Variants in CSMD3 observed in about 807,000 individuals in gnomAD.
CSMD3 encodes CUB and sushi domain-containing protein 3.
Under a neutral mutation model 435.2 loss-of-function variants are expected in CSMD3, and 177 were observed. The observed-to-expected ratio is 0.41, with a 90% confidence interval of 0.36 to 0.46. The LOEUF (loss-of-function observed/expected upper bound fraction) is 0.46, where lower values mean the gene tolerates loss of function less well. Among genes scored for constraint, CSMD3 ranks in the 20% least tolerant of loss-of-function variants. The pLI is 0.34. For missense variants in CSMD3, 4,265 were observed against 4,504.6 expected (o/e 0.95, Z 1.52); for synonymous variants, 1,656 against 1,520.5 (o/e 1.09, Z -2.07).
At chr8:112,890,380 G>A (rs1186506546) in intron 10 of CSMD3, among the ~76,000 whole-genome samples, 1 of 151,818 alleles carries the variant, frequency 6.6e-6, no homozygotes, top group East Asian at 2.0e-4. Flanking sequence ...AGAAACATGA[G>A]GTAACATTAC....
At chr8:113,263,106 C>A (rs909601312) in intron 3 of CSMD3, among the ~76,000 whole-genome samples, 1 of 151,954 alleles carries the variant, frequency 6.6e-6, no homozygotes, top group Admixed American at 6.6e-5. Context: ...TGAGTGAAGA[C>A]TTGTGCTTGT....
At chr8:112,631,151 G>C (rs1284909381) in intron 22 of CSMD3, among the ~76,000 whole-genome samples, 1 of 151,972 alleles carries the variant, frequency 6.6e-6, no homozygotes, top group Non-Finnish European at 1.5e-5. Flanking sequence ...ATACAAAAGG[G>C]ATATTTAAGT....
chr8:112,837,841 C>G (rs79767988), intron 11 of CSMD3, among the ~76,000 whole-genome samples: 1 of 151,462 alleles, frequency 6.6e-6, no homozygotes, highest in South Asian at 2.1e-4. Context: ...TTTTGCTCCC[C>G]GGTGTGGAAA....
chr8:113,300,367 A>G (rs1424601865), intron 2 of CSMD3, among the ~76,000 whole-genome samples: 2 of 152,148 alleles, frequency 1.3e-5, no homozygotes, highest in Non-Finnish European at 2.9e-5. Flanking sequence ...AAATCATTCT[A>G]TAAAAATGAT....
chr8:112,405,244 T>TATATATATATATATAC (rs1554668933), intron 35 of CSMD3, among the ~76,000 whole-genome samples: 1 of 83,330 alleles, frequency 1.2e-5, no homozygotes, highest in African/African-American at 5.3e-5. Context: ...TATATATATA[T>TATATATATATATATAC]ATACATATAT....
intron 27 of CSMD3, chr8:112,538,975 A>AAT (rs1826399088): frequency 1.3e-5 from 2 of 152,890 alleles, no homozygotes; most frequent in African/African-American, 4.8e-5. Flanking sequence ...AGTATAGGCC[A>AAT]ATATCTCAGA....
At chr8:113,063,445 C>G (rs1303042264) in intron 5 of CSMD3, among the ~76,000 whole-genome samples, 1 of 151,908 alleles carries the variant, frequency 6.6e-6, no homozygotes, top group Non-Finnish European at 1.5e-5. Context: ...TCTTTAATAT[C>G]TACTTTAATT....
chr8:112,922,672 G>C (rs1197062981), intron 9 of CSMD3, among the ~76,000 whole-genome samples: 5 of 151,944 alleles, frequency 3.3e-5, no homozygotes, highest in African/African-American at 1.2e-4. Context: ...ACAATCTCCA[G>C]TTCCACCCAC....
At chr8:112,680,654 G>A (rs1159159293) in intron 16 of CSMD3, among the ~76,000 whole-genome samples, 1 of 151,972 alleles carries the variant, frequency 6.6e-6, no homozygotes, top group African/African-American at 2.4e-5. Context: ...ATCTAGTTCT[G>A]CCCACCTGAT....
At chr8:112,869,754 C>A (rs867159946) in intron 10 of CSMD3, among the ~76,000 whole-genome samples, 25 of 152,126 alleles carry the variant, frequency 1.6e-4, no homozygotes, top group Admixed American at 1.5e-3. Context: ...AAGCTGGAAG[C>A]CATAATTCTC....
intron 13 of CSMD3, among the ~76,000 whole-genome samples, chr8:112,785,060 C>T (rs1770557205): frequency 6.6e-6 from 1 of 151,946 alleles, no homozygotes; most frequent in South Asian, 2.1e-4. Context: ...AGAGATCATT[C>T]ATTATGACCA....
At chr8:112,234,506 C>A in intron 67 of CSMD3, 29 bp from the exon 68 acceptor site, 1 of 1,212,616 alleles carries the variant, frequency 8.2e-7, no homozygotes. Context: ...TTTTAGTCTA[C>A]TTAACTTTGT....
At chr8:113,172,680 T>C (rs144734889) in intron 4 of CSMD3, among the ~76,000 whole-genome samples, 14 of 152,292 alleles carry the variant, frequency 9.2e-5, no homozygotes, top group Middle Eastern at 6.8e-3. Context: ...GATAAGAAGC[T>C]TGTTGTGTCT....
At chr8:112,438,452 T>C (rs556033707) in intron 32 of CSMD3, among the ~76,000 whole-genome samples, 5 of 152,310 alleles carry the variant, frequency 3.3e-5, no homozygotes, top group African/African-American at 1.2e-4. Flanking sequence ...TCTCATAATG[T>C]CCTAAATTTT....
At chr8:112,471,484 A>C (rs936094069) in intron 32 of CSMD3, among the ~76,000 whole-genome samples, 1 of 152,228 alleles carries the variant, frequency 6.6e-6, no homozygotes, top group African/African-American at 2.4e-5. Context: ...TGTAGAGTAC[A>C]AAAACAGACA....
intron 5 of CSMD3, chr8:113,098,535 A>C (rs1029221332): frequency 3.8e-5 from 21 of 549,554 alleles, no homozygotes; most frequent in Admixed American, 3.1e-5. Flanking sequence ...TTACAATAGG[A>C]ATAACTTTTA....
At chr8:112,715,335 A>G (rs920296514) in intron 13 of CSMD3, among the ~76,000 whole-genome samples, 1 of 152,204 alleles carries the variant, frequency 6.6e-6, no homozygotes, top group African/African-American at 2.4e-5. Context: ...AGATATTGAT[A>G]AATTCCTGGA....
chr8:112,561,783 A>G, intron 24 of CSMD3, among the ~76,000 whole-genome samples: 1 of 151,804 alleles, frequency 6.6e-6, no homozygotes, highest in Admixed American at 6.6e-5. Flanking sequence ...GCAAGTGTTC[A>G]TACATTTTAT....
intron 10 of CSMD3, among the ~76,000 whole-genome samples, chr8:112,894,733 T>C (rs1370073913): frequency 6.6e-6 from 1 of 151,354 alleles, no homozygotes; most frequent in Admixed American, 6.6e-5. Context: ...CATAAGTCCA[T>C]ACAGGTATGT....
Sources: gnomAD v4.1 joint callset for allele counts (sites outside exome capture counted in the v4.1 genomes callset) on GRCh38, gnomAD v4.1.1 for gene constraint, MANE v1.5 for transcripts, NCBI Gene and HGNC (gene_info 2026-07-23, HGNC 2026-07-21) for gene names.